HS6ST3: variants seen among roughly 807,000 people sequenced by gnomAD.
The protein encoded by HS6ST3 is heparan-sulfate 6-O-sulfotransferase 3.
Under a neutral mutation model 36.7 loss-of-function variants are expected in HS6ST3, and 12 were observed. The observed-to-expected ratio is 0.33, with a 90% CI of 0.21 to 0.53. The LOEUF (loss-of-function observed/expected upper bound fraction) is 0.53, where lower values mean the gene tolerates loss of function less well. Among genes scored for constraint, HS6ST3 ranks in the 20% least tolerant of loss-of-function variants. HS6ST3 has a pLI of 0.95. For missense variants in HS6ST3, 584 were observed against 640.9 expected (o/e 0.91, Z 0.96); for synonymous variants, 240 against 257.5 (o/e 0.93, Z 0.65).
At chr13:96,500,683 C>T (rs1397147178) in intron 1 of HS6ST3, among the ~76,000 whole-genome samples, 6 of 152,260 alleles carry the variant, frequency 3.9e-5, no homozygotes, top group African/African-American at 9.6e-5. Flanking sequence ...CACAACATAT[C>T]GACAAGTCTG....
chr13:96,560,599 A>T (rs1271000744), intron 1 of HS6ST3, among the ~76,000 whole-genome samples: 1 of 152,194 alleles, frequency 6.6e-6, no homozygotes, highest in Admixed American at 6.5e-5. Context: ...CTCTTCACTG[A>T]TGATATGATT....
At chr13:96,397,783 T>G (rs2055429602) in intron 1 of HS6ST3, among the ~76,000 whole-genome samples, 1 of 152,222 alleles carries the variant, frequency 6.6e-6, no homozygotes, top group South Asian at 2.1e-4. Flanking sequence ...AGCAACGATA[T>G]GGCTTAGTAA....
intron 1 of HS6ST3, among the ~76,000 whole-genome samples, chr13:96,206,535 A>G (rs910609989): frequency 6.6e-6 from 1 of 152,236 alleles, no homozygotes; most frequent in Non-Finnish European, 1.5e-5. Context: ...AGCTGGAGGC[A>G]TCATGCTACC....
At chr13:96,106,501 C>T (rs186165225) in intron 1 of HS6ST3, among the ~76,000 whole-genome samples, 1 of 152,310 alleles carries the variant, frequency 6.6e-6, no homozygotes, top group African/African-American at 2.4e-5. Flanking sequence ...CCCCAGTCAG[C>T]TCTTTACAGA....
intron 1 of HS6ST3, among the ~76,000 whole-genome samples, chr13:96,501,579 G>C (rs2056004587): frequency 6.6e-6 from 1 of 152,178 alleles, no homozygotes; most frequent in South Asian, 2.1e-4. Context: ...TTAGAACAGA[G>C]CCGGGCCCTT....
intron 1 of HS6ST3, among the ~76,000 whole-genome samples, chr13:96,693,352 T>A (rs765400359): frequency 6.6e-6 from 1 of 152,212 alleles, no homozygotes; most frequent in Non-Finnish European, 1.5e-5. Flanking sequence ...TTACCCAGGC[T>A]GGAGTGCAAT....
rs75763046 is a variant in HS6ST3 at position 96,275,223 on chromosome 13, G to A, written c.707+183654G>A. Among the ~76,000 whole-genome samples, 217 of 152,234 alleles carry A rather than the reference G, an allele frequency of 1.4e-3. 1 individual carries two copies. Among genetic ancestry groups the A allele is most frequent in the Non-Finnish European group, 2.0e-3 (133 of 68,020 alleles). ...CCTTTCCATGTTTGATTTAGTAGAA[G>A]CAGTTAATGGTTTTGTTTTTATTAT... On this transcript the variant is annotated intron_variant, in intron 1 of 1. Coordinates refer to ENST00000376705, the MANE Select transcript of HS6ST3 (RefSeq NM_153456.4).
intron 1 of HS6ST3, among the ~76,000 whole-genome samples, chr13:96,552,597 G>A (rs1461109330): frequency 4.6e-5 from 7 of 152,210 alleles, no homozygotes; most frequent in Admixed American, 4.6e-4. Context: ...GACTGCCAAA[G>A]CTGGACATCC....
intron 1 of HS6ST3, among the ~76,000 whole-genome samples, chr13:96,324,053 G>A (rs2055017945): frequency 6.6e-6 from 1 of 152,150 alleles, no homozygotes; most frequent in Non-Finnish European, 1.5e-5. Context: ...GAAGCTGGAT[G>A]CTTTATTAGT....
intron 1 of HS6ST3, among the ~76,000 whole-genome samples, chr13:96,805,134 C>T (rs1238694973): frequency 6.6e-6 from 1 of 152,104 alleles, no homozygotes; most frequent in Non-Finnish European, 1.5e-5. Context: ...CTGATAGCTG[C>T]CAAGAGGGTA....
At chr13:96,282,352 G>A (rs1478975028) in intron 1 of HS6ST3, among the ~76,000 whole-genome samples, 7 of 152,160 alleles carry the variant, frequency 4.6e-5, no homozygotes, top group Admixed American at 4.6e-4. Flanking sequence ...CTTTCACCAG[G>A]TGAAGGTCAA....
chr13:96,794,382 C>G (rs1877862059), intron 1 of HS6ST3, among the ~76,000 whole-genome samples: 1 of 152,050 alleles, frequency 6.6e-6, no homozygotes, highest in African/African-American at 2.4e-5. Context: ...AAGATAGGAT[C>G]TGACTTGAGA....
At chr13:96,781,504 C>A (rs1272731403) in intron 1 of HS6ST3, among the ~76,000 whole-genome samples, 1 of 152,212 alleles carries the variant, frequency 6.6e-6, no homozygotes, top group Non-Finnish European at 1.5e-5. Flanking sequence ...GTATTCATGA[C>A]AGTTCCTCAC....
chr13:96,317,373 TA>T (rs2054979988), intron 1 of HS6ST3, among the ~76,000 whole-genome samples: 1 of 2,436 alleles, frequency 4.1e-4, no homozygotes, highest in African/African-American at 1.9e-3. Context: ...TATATAAAAT[TA>T]TATATATATA....
chr13:96,319,566 C>A (rs1371464075), intron 1 of HS6ST3, among the ~76,000 whole-genome samples: 1 of 152,152 alleles, frequency 6.6e-6, no homozygotes, highest in Non-Finnish European at 1.5e-5. Flanking sequence ...TGAAAGACTG[C>A]AAGACTTTTC....
At chr13:96,729,499 CA>C (rs1423961131) in intron 1 of HS6ST3, among the ~76,000 whole-genome samples, 1 of 152,162 alleles carries the variant, frequency 6.6e-6, no homozygotes, top group Non-Finnish European at 1.5e-5. Context: ...TGCCATTGCC[CA>C]AGCTGGAGTG....
rs71740033 is a variant in HS6ST3 at position 96,284,910 on chromosome 13, G to GCTTTCTTTCTTTCTTT, written c.707+193393_707+193408dup. On this transcript the variant is annotated intron_variant, in intron 1 of 1. Transcript: ENST00000376705. ...GGGCTTTAAGATTGAATGCATATTT[G>GCTTTCTTTCTTTCTTT]CTTTCTTTCTTTCTTTCTTTCTTTC... 7.6e-4 allele frequency among the ~76,000 whole-genome samples: 103 copies of GCTTTCTTTCTTTCTTT among 134,668 alleles called. 1 individual carries two copies. The highest frequency in any genetic ancestry group is 1.6e-3 in the East Asian group (7 of 4,432). The allele number at this position is 134,668 out of a possible 152,430, so 88.3% of individuals were successfully genotyped here. A position where few individuals can be genotyped will look rare whatever the true frequency, so the allele number is the denominator to read the frequency against.
chr13:96,108,263 T>C (rs1386352657), intron 1 of HS6ST3, among the ~76,000 whole-genome samples: 1 of 152,210 alleles, frequency 6.6e-6, no homozygotes, highest in African/African-American at 2.4e-5. Flanking sequence ...CCTAGTCTCC[T>C]GTAGCGCCCC....
chr13:96,110,617 T>C (rs536284581), intron 1 of HS6ST3, among the ~76,000 whole-genome samples: 4 of 152,034 alleles, frequency 2.6e-5, no homozygotes, highest in African/African-American at 9.6e-5. Flanking sequence ...TTTGTATTTT[T>C]AGTAGAGATG....
Sources: allele counts gnomAD v4.1 joint callset (sites outside exome capture counted in the v4.1 genomes callset), GRCh38; gene constraint gnomAD v4.1.1; transcripts MANE v1.5; gene names NCBI Gene and HGNC (gene_info 2026-07-23, HGNC 2026-07-21).